The following POLR1B variants were observed in gnomAD, a reference collection of about 807,000 sequenced individuals.
POLR1B encodes the protein RNA polymerase I subunit B, also known as DNA-directed RNA polymerase I subunit RPA2.
A neutral mutation model predicts 105.8 loss-of-function variants in POLR1B; 30 were observed. The observed-to-expected ratio is 0.28, with a 90% CI of 0.21 to 0.38. The LOEUF (loss-of-function observed/expected upper bound fraction) is 0.38. POLR1B is among the 10% of genes least tolerant of loss of function. The pLI, the probability that POLR1B is intolerant of heterozygous loss-of-function variation, is 1.00. For missense variants in POLR1B, 976 were observed against 1,435.8 expected, an observed-to-expected ratio of 0.68 and a Z score of 5.17; for synonymous variants, 485 against 505.1, an observed-to-expected ratio of 0.96 and a Z score of 0.53.
At chr2:112,558,633 T>C (rs1011242269) in intron 8 of POLR1B, among the ~76,000 whole-genome samples, 4 of 152,088 alleles carry the variant, frequency 2.6e-5, no homozygotes, top group Middle Eastern at 3.2e-3. Context: ...TTTTTTTCTT[T>C]TTTGAGTCAG....
chr2:112,542,874 C>T (rs969690234), intron 1 of POLR1B: 42 of 649,546 alleles, frequency 6.5e-5, no homozygotes, highest in Admixed American at 3.0e-5. Context: ...GAGATGTATT[C>T]GTGATTCTGG....
At chr2:112,564,645 G>GTCACCAGA in intron 10 of POLR1B, 146 bp downstream of exon 10, 1 of 1,119,070 alleles carries the variant, frequency 8.9e-7, no homozygotes, top group Non-Finnish European at 1.3e-6. Flanking sequence ...CATTCCCTCT[G>GTCACCAGA]GTGACAGAGG....
At chr2:112,567,443 G>A (rs913277905) in intron 10 of POLR1B, among the ~76,000 whole-genome samples, 68 of 152,126 alleles carry the variant, frequency 4.5e-4, no homozygotes, top group African/African-American at 1.5e-3. Flanking sequence ...GCAGTGGCAT[G>A]ATCATGGCTC....
At chr2:112,564,278 T>G in intron 9 of POLR1B, 88 bp from the exon 10 acceptor site, 1 of 1,482,286 alleles carries the variant, frequency 6.7e-7, no homozygotes, top group Non-Finnish European at 9.3e-7. Context: ...TCTGAACTGA[T>G]ACAGCAGCTG....
upstream of POLR1B, chr2:112,542,375 G>A: frequency 6.2e-7 from 1 of 1,600,702 alleles, no homozygotes; most frequent in Non-Finnish European, 8.5e-7. Flanking sequence ...TGGAACGAGA[G>A]GGAACTACAT....
chr2:112,575,264 T>C lies in POLR1B; in HGVS notation c.2943T>C (p.Ser981=), dbSNP rs140645945. The C allele has an allele frequency of 1.9e-6, 3 of 1,613,782 alleles. No homozygotes were observed. In the African/African-American group the frequency reaches 4.0e-5, roughly 22 times the overall value. The change falls in exon 15 of 15, where the codon AGT becomes AGC. Residue 981 remains serine (S), a synonymous_variant. Transcript: ENST00000263331. The surrounding 1 kb of genome is among the most constrained non-coding windows in gnomAD (Gnocchi z 5.3). ...YNFYGTERLY[S]GISGLELEAD... The stretch of plus-strand genomic sequence containing the variant: ...TCTATGGCACCGAGAGGTTATATAG[T>C]GGCATCAGTGGGCTAGAACTGGAAG...
rs781609148 is a variant in POLR1B at position 112,574,909 on chromosome 2, A to G, written c.2588A>G (p.Lys863Arg). 1.9e-6 allele frequency: 3 copies of G among 1,614,096 alleles called. No homozygotes were observed. The highest frequency in any genetic ancestry group is 2.5e-6 in the Non-Finnish European group (3 of 1,180,022). The change falls in exon 15 of 15, where the codon AAA becomes AGA. Residue 863 changes from lysine (K) to arginine (R), a missense_variant. Around this residue, in one of 12 missense-constraint regions of POLR1B, gnomAD observed 119 missense variants for 149.7 expected, o/e 0.79. Transcript: ENST00000263331. Reference protein sequence around the residue: ...KVCSNDTGSGKFKCVCITMRV... With the variant: ...KVCSNDTGSGRFKCVCITMRV... ...TGCAGTAATGACACTGGGAGTGGAA[A>G]ATTCAAGTGTGTTTGCATCACTATG...
intron 7 of POLR1B, among the ~76,000 whole-genome samples, chr2:112,553,883 T>C (rs913693955): frequency 6.6e-6 from 1 of 152,182 alleles, no homozygotes; most frequent in African/African-American, 2.4e-5. Context: ...AATTTGACTG[T>C]AGATGTATAT....
chr2:112,564,540 T>A (rs761587909), intron 10 of POLR1B, 41 bp downstream of exon 10: 4 of 1,612,986 alleles, frequency 2.5e-6, no homozygotes, highest in Non-Finnish European at 3.4e-6. Context: ...CCCTTGACCT[T>A]AGGTTTTTCA....
rs771713485 is a variant in POLR1B, at chr2:112,551,768, A to G, written c.763-7A>G. 9 of 1,606,532 alleles carry G rather than the reference A, an allele frequency of 5.6e-6. No individual in the cohort carries two copies. The highest frequency in any genetic ancestry group is 2.7e-5 in the African/African-American group (2 of 74,588). On this transcript the variant is annotated splice_polypyrimidine_tract_variant and splice_region_variant and intron_variant, in intron 5 of 14. Coordinates refer to ENST00000263331, the MANE Select transcript of POLR1B (RefSeq NM_019014.6). Reference sequence around the variant, plus strand: ...TGAGCAATTAAACCTTTTATTTTCTATTCTAGGCACTTGTCAGCTTTTCTG... The same window carrying G: ...TGAGCAATTAAACCTTTTATTTTCTGTTCTAGGCACTTGTCAGCTTTTCTG...
At chr2:112,549,223 T>TTTGTTTAA in intron 3 of POLR1B, 44 bp from the exon 4 acceptor site, 1 of 1,604,538 alleles carries the variant, frequency 6.2e-7, no homozygotes, top group Non-Finnish European at 8.5e-7. Context: ...TTACAGTTAG[T>TTTGTTTAA]CATGTATCTT....
chr2:112,542,707 G>A, intron 1 of POLR1B, 36 bp downstream of exon 1: 1 of 1,606,624 alleles, frequency 6.2e-7, no homozygotes, highest in Non-Finnish European at 8.5e-7. Flanking sequence ...TTGCCGCGGC[G>A]AGGCCAATCC....
upstream of POLR1B, chr2:112,542,077 G>A (rs930996230): frequency 4.6e-6 from 7 of 1,531,302 alleles, no homozygotes; most frequent in Non-Finnish European, 5.2e-6. Flanking sequence ...ATCAGCGTGG[G>A]ACTGGGAACA....
chr2:112,547,845 TTG>T (rs1369286375), intron 3 of POLR1B, among the ~76,000 whole-genome samples: 1 of 146,840 alleles, frequency 6.8e-6, no homozygotes, highest in Non-Finnish European at 1.5e-5. Flanking sequence ...TCCACAAAAT[TTG>T]TTTTTTTTTT....
chr2:112,570,873 A>C (rs1333035644), intron 12 of POLR1B, among the ~76,000 whole-genome samples: 1 of 148,566 alleles, frequency 6.7e-6, no homozygotes, highest in Non-Finnish European at 1.5e-5. Flanking sequence ...CTGCCTCCCC[A>C]GTTCAAGCAA....
rs773006003 is a variant in POLR1B at position 112,552,663 on chromosome 2, C to T, written c.1005C>T (p.His335=). 1.3e-6 allele frequency: 2 copies of T among 1,589,940 alleles called. No homozygotes were observed. The highest frequency in any genetic ancestry group is 8.5e-7 in the Non-Finnish European group (1 of 1,170,448). Residue 335 remains histidine, a synonymous_variant, in exon 7 of 15, where the codon CAC becomes CAT. Transcript: ENST00000263331. The part of the protein sequence containing the change: ...EFLFNQCICI[H]LKSNTEKFYM... ...TTCACAGCCAGTGCATCTGTATCCA[C>T]TTGAAATCCAATACTGAAAAGTTTT...
chr2:112,542,140 TTGAC>T (rs757471597), upstream of POLR1B: 85 of 1,535,552 alleles, frequency 5.5e-5, no homozygotes, highest in Middle Eastern at 3.3e-4. Flanking sequence ...CCGATCCTAA[TTGAC>T]TGAGCCAATG....
In POLR1B at chr2:112,579,553, T is replaced by G. The variant is rs1048212993; in HGVS notation, c.*3824T>G. On this transcript the variant is annotated 3_prime_UTR_variant, in exon 15 of 15. Transcript: ENST00000263331. ...TAAATCTGTAAGTGGTTGTGATCAA[T>G]TTGTTGCAACACCATTGCACTTGGA... 6.6e-6 allele frequency: 1 copy of G among 152,344 alleles called. No individual in the cohort carries two copies. Among genetic ancestry groups the G allele is most frequent in the South Asian group, 2.1e-4 (1 of 4,826 alleles). 9.4% of individuals were successfully genotyped at this position (152,344 alleles called of 1,614,324 possible). A position where few individuals can be genotyped will look rare whatever the true frequency, so the allele number is the denominator to read the frequency against.
chr2:112,577,831 C>CAAAAA lies in POLR1B; in HGVS notation c.*2119_*2123dup, dbSNP rs3980076. On this transcript the variant is annotated 3_prime_UTR_variant, in exon 15 of 15. Coordinates refer to ENST00000263331, the MANE Select transcript of POLR1B (RefSeq NM_019014.6). ...TGGGCGACAGAATGAGACCCTGTCTCAAAAAAAAAAAAAAAAAAAAAGCGG... is the reference window on the plus strand; with the variant it reads ...TGGGCGACAGAATGAGACCCTGTCTCAAAAAAAAAAAAAAAAAAAAAAAAAAGCGG... 2.0e-5 allele frequency among the ~76,000 whole-genome samples: 2 copies of CAAAAA among 100,304 alleles called. No homozygotes were observed. Among genetic ancestry groups the CAAAAA allele is most frequent in the African/African-American group, 7.6e-5 (2 of 26,196 alleles). The allele number at this position is 100,304 out of a possible 152,430, so 65.8% of individuals were successfully genotyped here.
Sources: gnomAD v4.1 joint callset for allele counts (sites outside exome capture counted in the v4.1 genomes callset) on GRCh38, gnomAD v4.1.1 for gene constraint, gnomAD v4.1.1 regional missense constraint, Gnocchi (gnomAD v3.1) non-coding constraint, MANE v1.5 for transcripts, NCBI Gene and HGNC (gene_info 2026-07-23, HGNC 2026-07-21) for gene names.